CUL9: variants seen among roughly 807,000 people sequenced by gnomAD.
CUL9 encodes the protein cullin-9.
In CUL9, 79 loss-of-function variants were observed where a neutral mutation model predicts 272.6. That is an observed-to-expected ratio of 0.29 (90% CI 0.24 to 0.35). The LOEUF (loss-of-function observed/expected upper bound fraction) is 0.35, where lower values mean the gene tolerates loss of function less well. Among genes scored for constraint, CUL9 ranks in the 10% least tolerant of loss-of-function variants. The pLI, the probability that CUL9 is intolerant of heterozygous loss-of-function variation, is 1.00. For synonymous variants in CUL9, 1,186 were observed against 1,286.5 expected (o/e 0.92, Z 1.67); for missense variants, 2,532 against 3,255.6 (o/e 0.78, Z 5.41).
rs377260928 is a variant in CUL9 at position 43,196,779 on chromosome 6, C to T, written c.2720C>T (p.Thr907Ile). Residue 907 changes from threonine to isoleucine, a missense_variant, in exon 11 of 41, where the codon ACA becomes ATA. This residue lies in a region of CUL9 where 2,218 missense variants were observed against 2,788.6 expected (regional missense o/e 0.80). Coordinates refer to ENST00000252050, the MANE Select transcript of CUL9 (RefSeq NM_015089.4). Reference sequence around the variant, plus strand: ...AGGCACTCAGGGATAGCACCAAGAACAGAACCTATGCCTACCACACGCACC... The same window carrying T: ...AGGCACTCAGGGATAGCACCAAGAATAGAACCTATGCCTACCACACGCACC... ...LFRHSGIAPR[T>I]EPMPTTRTIL... The T allele has an allele frequency of 1.2e-6, 2 of 1,614,088 alleles. No individual in the cohort carries two copies. The highest frequency in any genetic ancestry group is 2.7e-5 in the African/African-American group (2 of 74,920).
Position 43,196,072 on chromosome 6 carries a change from C to T in CUL9, c.2392C>T (p.Leu798=). ...VLVQQAGLAA[L]KMLAVASSSE... ...TGCTTTCACATCCCCCTCACAGGCA[C>T]TGAAGATGCTGGCCGTCGCCAGCTC... The change falls in exon 10 of 41, where the codon CTG becomes TTG. Residue 798 remains leucine (L), a synonymous_variant. Transcript: ENST00000252050. The T allele has an allele frequency of 6.2e-7, 1 of 1,611,906 alleles. No homozygotes were observed. The highest frequency in any genetic ancestry group is 8.5e-7 in the Non-Finnish European group (1 of 1,178,468).
intron 11 of CUL9, chr6:43,198,344 CATTT>C: frequency 1.0e-6 from 1 of 975,568 alleles, no homozygotes; most frequent in Non-Finnish European, 1.2e-6. Context: ...CTATAACTAA[CATTT>C]AATAATAGGA....
rs766749247 is a variant in CUL9 at position 43,224,314 on chromosome 6, G to C, written c.7423G>C (p.Glu2475Gln). Residue 2475 changes from glutamate to glutamine, a missense_variant, in exon 41 of 41, where the codon GAG becomes CAG. This residue lies in a region of CUL9 where 237 missense variants were observed against 305.9 expected (regional missense o/e 0.77). Coordinates refer to ENST00000252050, the MANE Select transcript of CUL9 (RefSeq NM_015089.4). The surrounding 1 kb of genome is among the most constrained non-coding windows in gnomAD (Gnocchi z 4.2). ...GGAAGACGATGAGGATGATGTGCCC[G>C]AGTGGCAGCAGGATGAGTTTGATGA... ...EEEDDEDDVP[E>Q]WQQDEFDEEL... 1.9e-6 allele frequency: 3 copies of C among 1,614,188 alleles called. No individual in the cohort carries two copies. The highest frequency in any genetic ancestry group is 1.1e-5 in the South Asian group (1 of 91,066).
rs570077559 is a variant in CUL9, at chr6:43,185,368, G to A, written c.596-88G>A. On this transcript the variant is annotated intron_variant, in intron 2 of 40. Coordinates refer to ENST00000252050, the MANE Select transcript of CUL9 (RefSeq NM_015089.4). ...TGAGCCTTAGTAACAAAGTTTGAAA[G>A]CGTCTGGGGTAGGAGATAGAATCTA... The A allele has an allele frequency of 7.8e-6, 11 of 1,401,552 alleles. No homozygotes were observed. In the East Asian group the frequency reaches 2.5e-4, roughly 32 times the overall value. 86.8% of individuals were successfully genotyped at this position (1,401,552 alleles called of 1,614,324 possible). A position where few individuals can be genotyped will look rare whatever the true frequency, so the allele number is the denominator to read the frequency against.
chr6:43,216,719 T>G (rs1253115058), intron 31 of CUL9, among the ~76,000 whole-genome samples: 1 of 152,212 alleles, frequency 6.6e-6, no homozygotes, highest in African/African-American at 2.4e-5. Context: ...TCCAGCGATA[T>G]ATACCAATGG....
In CUL9 at chr6:43,186,982, G is replaced by A. The variant is rs377386330; in HGVS notation, c.1274G>A (p.Arg425His). 91 of 1,613,892 alleles carry A rather than the reference G, an allele frequency of 5.6e-5. No homozygotes were observed. The highest frequency in any genetic ancestry group is 6.7e-5 in the Admixed American group (4 of 59,984). The change falls in exon 5 of 41, where the codon CGC becomes CAC. Residue 425 changes from arginine to histidine, a missense_variant. Physicochemically the swap from Arg to His is conservative, Grantham distance 29. Around this residue, in one of 3 missense-constraint regions of CUL9, gnomAD observed 2,218 missense variants for 2,788.6 expected, o/e 0.80. Coordinates refer to ENST00000252050, the MANE Select transcript of CUL9 (RefSeq NM_015089.4). ...CAGGTTTTCTGGCAGTCGACAGGCC[G>A]CACTTACTGGGTGCACTGGCACATG... The part of the protein sequence containing the change: ...PVQVFWQSTG[R>H]TYWVHWHMLE...
In CUL9 at chr6:43,187,319, G is replaced by A. The variant is rs1210076175; in HGVS notation, c.1461G>A (p.Lys487=). The change falls in exon 6 of 41, where the codon AAG becomes AAA. Residue 487 remains lysine, a synonymous_variant. Coordinates refer to ENST00000252050, the MANE Select transcript of CUL9 (RefSeq NM_015089.4). ...CGTACCTCCAGCCCGAACCTCAGAAGAATGAGAGAGTGGGATATCTGACCC... is the reference window on the plus strand; with the variant it reads ...CGTACCTCCAGCCCGAACCTCAGAAAAATGAGAGAGTGGGATATCTGACCC... ...PLPYLQPEPQ[K]NERVGYLTQA... 6.2e-7 allele frequency: 1 copy of A among 1,614,140 alleles called. No individual in the cohort carries two copies. Among genetic ancestry groups the A allele is most frequent in the South Asian group, 1.1e-5 (1 of 91,084 alleles).
chr6:43,204,727 C>T (rs1774912398), intron 21 of CUL9, 21 bp from the exon 22 acceptor site: 8 of 1,612,730 alleles, frequency 5.0e-6, no homozygotes, highest in Non-Finnish European at 6.8e-6. Context: ...AAACCCCTTC[C>T]TTCTCCCTCT....
intron 8 of CUL9, among the ~76,000 whole-genome samples, chr6:43,190,615 C>T (rs534655738): frequency 7.8e-4 from 118 of 152,250 alleles, no homozygotes; most frequent in Non-Finnish European, 1.4e-3. Flanking sequence ...TTACTTATTT[C>T]TCTAGTCATA....
At position 43,220,309 on chromosome 6, in the gene CUL9, C is replaced by A; in HGVS notation, c.6283-150C>A. On this transcript the variant is annotated intron_variant, in intron 31 of 40. Transcript: ENST00000252050. The surrounding 1 kb of genome is among the most constrained non-coding windows in gnomAD (Gnocchi z 4.9). Reference sequence around the variant, plus strand: ...CAGCAAAGCTGGAGAGAGGAGTCAGCATTGGTTGATCTAGAGGCAGGCTTG... The same window carrying A: ...CAGCAAAGCTGGAGAGAGGAGTCAGAATTGGTTGATCTAGAGGCAGGCTTG... 1 of 853,096 alleles carries A rather than the reference C, an allele frequency of 1.2e-6. No homozygotes were observed. The highest frequency in any genetic ancestry group is 1.9e-6 in the Non-Finnish European group (1 of 540,526). The allele number at this position is 853,096 out of a possible 1,614,324, so 52.8% of individuals were successfully genotyped here. A position where few individuals can be genotyped will look rare whatever the true frequency, so the allele number is the denominator to read the frequency against.
In CUL9 at chr6:43,199,421, A is replaced by G. The variant is rs1257851827; in HGVS notation, c.3156+50A>G. On this transcript the variant is annotated intron_variant, in intron 13 of 40. Transcript: ENST00000252050. This position sits in a 1 kb window ranked among gnomAD's most constrained non-coding sequence, Gnocchi z 4.4. ...GAGAGGGAAGGGCAGCATCTGGGGC[A>G]CCAACTCCTTGTGAGGCTCTGGAGG... The G allele has an allele frequency of 2.8e-6, 4 of 1,440,004 alleles. No homozygotes were observed. Among genetic ancestry groups the G allele is most frequent in the Non-Finnish European group, 3.9e-6 (4 of 1,023,626 alleles). 89.2% of individuals were successfully genotyped at this position (1,440,004 alleles called of 1,614,324 possible).
intron 7 of CUL9, 169 bp downstream of exon 7, chr6:43,188,287 A>G: frequency 1.1e-6 from 1 of 873,492 alleles, no homozygotes; most frequent in Admixed American, 2.9e-5. Context: ...ATTGTATTTA[A>G]TTAACCAGCG....
At chr6:43,207,001 C>T (rs1775097243) in intron 26 of CUL9, among the ~76,000 whole-genome samples, 2 of 152,274 alleles carry the variant, frequency 1.3e-5, no homozygotes, top group Admixed American at 6.5e-5. Context: ...TATGCCACCA[C>T]ACCCGGCTAA....
intron 8 of CUL9, among the ~76,000 whole-genome samples, chr6:43,191,513 G>A (rs1220113275): frequency 1.5e-5 from 1 of 66,118 alleles, no homozygotes; most frequent in Non-Finnish European, 2.8e-5. Context: ...TTTACTTTTT[G>A]TAGAGATGGG....
chr6:43,198,249 G>A (rs13211435), intron 11 of CUL9: 1 of 985,020 alleles, frequency 1.0e-6, no homozygotes, highest in Non-Finnish European at 1.2e-6. Flanking sequence ...CTACAAAATA[G>A]GAAATATGTA....
At chr6:43,222,218 G>T (rs1776424925) in intron 35 of CUL9, 98 bp from the exon 36 acceptor site, 1 of 866,776 alleles carries the variant, frequency 1.2e-6, no homozygotes, top group African/African-American at 1.7e-5. Flanking sequence ...AATCGGGGGA[G>T]GTGTAGAAAG....
At chr6:43,214,742 A>C (rs1029153719) in intron 29 of CUL9, among the ~76,000 whole-genome samples, 1 of 151,930 alleles carries the variant, frequency 6.6e-6, no homozygotes, top group Non-Finnish European at 1.5e-5. Flanking sequence ...CAGAGATTGC[A>C]GTGAGAGATG....
chr6:43,190,454 T>A (rs1323734627), intron 8 of CUL9, among the ~76,000 whole-genome samples: 1 of 152,144 alleles, frequency 6.6e-6, no homozygotes, highest in Non-Finnish European at 1.5e-5. Flanking sequence ...CTTAGCTCTA[T>A]TTTTTGGTTA....
Position 43,203,546 on chromosome 6 carries a change from C to T in CUL9, c.3979C>T (p.Arg1327Trp). ...CACAATTCGGGCACAAGCCTGGAGC[C>T]GGGACATAGCAGAGGACCACCGGCG... ...FYTIRAQAWSRDIAEDHRRLL... is the reference protein window; with the variant it reads ...FYTIRAQAWSWDIAEDHRRLL... Residue 1327 changes from arginine (R) to tryptophan (W), a missense_variant, in exon 19 of 41, where the codon CGG becomes TGG. Transcript: ENST00000252050. The surrounding 1 kb of genome is among the most constrained non-coding windows in gnomAD (Gnocchi z 5.0). 2 of 1,613,822 alleles carry T rather than the reference C, an allele frequency of 1.2e-6. No individual in the cohort carries two copies. Among genetic ancestry groups the T allele is most frequent in the Non-Finnish European group, 1.7e-6 (2 of 1,180,008 alleles).
Sources: allele counts gnomAD v4.1 joint callset (sites outside exome capture counted in the v4.1 genomes callset), GRCh38; gene constraint gnomAD v4.1.1; regional missense constraint gnomAD v4.1.1; non-coding constraint Gnocchi (gnomAD v3.1); transcripts MANE v1.5; gene names NCBI Gene and HGNC (gene_info 2026-07-23, HGNC 2026-07-21).